Variants in ANKRD35 observed in about 807,000 individuals in gnomAD.
The protein encoded by ANKRD35 is ankyrin repeat domain 35.
Under a neutral mutation model 109.9 loss-of-function variants are expected in ANKRD35, and 102 were observed. That is an observed-to-expected ratio of 0.93 (90% CI 0.79 to 1.09). The LOEUF (loss-of-function observed/expected upper bound fraction) is 1.09. Ranked by LOEUF, ANKRD35 falls within the 50% of genes least tolerant of loss-of-function variation. The pLI, the probability that ANKRD35 is intolerant of heterozygous loss-of-function variation, is 0.00. For synonymous variants in ANKRD35, 515 were observed against 512.4 expected, an observed-to-expected ratio of 1.01 and a Z score of -0.07; for missense variants, 1,240 against 1,230.1, an observed-to-expected ratio of 1.01 and a Z score of -0.12.
chr1:145,876,017 C>A (rs1292170394), intron 7 of ANKRD35, 123 bp downstream of exon 7: 2 of 832,948 alleles, frequency 2.4e-6, no homozygotes, highest in African/African-American at 3.4e-5. Flanking sequence ...TTCCCAAGAA[C>A]ACAAAGACCA....
intron 10 of ANKRD35, among the ~76,000 whole-genome samples, chr1:145,868,736 C>G (rs1553738160): frequency 6.6e-6 from 1 of 152,152 alleles, no homozygotes; most frequent in Non-Finnish European, 1.5e-5. Flanking sequence ...TAAAAGTGGG[C>G]CTCTACTGTG....
At position 145,871,996 on chromosome 1, in the gene ANKRD35, C is replaced by T. The variant is rs782666886; in HGVS notation, c.2773G>A (p.Asp925Asn). The T allele has an allele frequency of 1.2e-5, 19 of 1,611,328 alleles. No individual in the cohort carries two copies. The highest frequency in any genetic ancestry group is 1.6e-5 in the Non-Finnish European group (19 of 1,179,974). ...KMEHLIGACRDKEAKIKELLK... is the reference protein window; with the variant it reads ...KMEHLIGACRNKEAKIKELLK... ...CAGCTGCTCACCTTGGCTTCCTTGT[C>T]TCGGCAAGCCCCAATGAGATGCTCC... Residue 925 changes from aspartate (D) to asparagine (N), a missense_variant, in exon 10 of 14, where the codon GAC becomes AAC. Coordinates refer to ENST00000355594, the MANE Select transcript of ANKRD35 (RefSeq NM_144698.5).
chr1:145,885,804 G>T lies in ANKRD35; in HGVS notation c.-46C>A. ...GGGATGGGGACGCGCAGAGAGCCGG[G>T]CCACAGGTTCCCGAACCCACCGGAC... On this transcript the variant is annotated 5_prime_UTR_variant, in exon 1 of 14. Coordinates refer to ENST00000355594, the MANE Select transcript of ANKRD35 (RefSeq NM_144698.5). 6.7e-7 allele frequency: 1 copy of T among 1,483,522 alleles called. No individual in the cohort carries two copies. The highest frequency in any genetic ancestry group is 1.4e-5 in the African/African-American group (1 of 72,404). The allele number at this position is 1,483,522 out of a possible 1,614,324, so 91.9% of individuals were successfully genotyped here.
chr1:145,868,292 C>G lies in ANKRD35; in HGVS notation c.2877+19G>C. 6.2e-7 allele frequency: 1 copy of G among 1,613,546 alleles called. No individual in the cohort carries two copies. The highest frequency in any genetic ancestry group is 8.5e-7 in the Non-Finnish European group (1 of 1,179,494). On this transcript the variant is annotated intron_variant, in intron 11 of 13. Transcript: ENST00000355594. ...GCTGACCTTCTTCTCCAGCACCATC[C>G]CTGACAGCCAAAACATACCTGCAGC...
intron 2 of ANKRD35, 134 bp from the exon 3 acceptor site, chr1:145,878,613 G>A (rs959470713): frequency 5.2e-6 from 4 of 773,258 alleles, no homozygotes; most frequent in African/African-American, 3.5e-5. Context: ...AGCTCCCCTA[G>A]CTTGAATTTC....
intron 11 of ANKRD35, 126 bp from the exon 12 acceptor site, chr1:145,868,182 C>G: frequency 4.1e-6 from 6 of 1,456,664 alleles, no homozygotes; most frequent in Non-Finnish European, 5.8e-6. Flanking sequence ...CATCCTGGAC[C>G]ACTGCCTAGC....
At position 145,872,614 on chromosome 1, in the gene ANKRD35, G is replaced by C. The variant is rs372205611; in HGVS notation, c.2155C>G (p.Gln719Glu). The stretch of plus-strand genomic sequence containing the variant: ...TCCAGGGACTCCGCTGCTTTGCTTT[G>C]TGCACTCCTCTCGCCCACTAGGTCT... ...PADLVGERSA[Q>E]SKAAESLEEL... The change falls in exon 10 of 14, where the codon CAA becomes GAA. Residue 719 changes from glutamine to glutamate, a missense_variant. Transcript: ENST00000355594. The C allele has an allele frequency of 5.0e-6, 8 of 1,613,780 alleles. No homozygotes were observed. Among genetic ancestry groups the C allele is most frequent in the Non-Finnish European group, 5.9e-6 (7 of 1,179,910 alleles).
intron 12 of ANKRD35, among the ~76,000 whole-genome samples, chr1:145,867,608 G>A (rs1653655743): frequency 6.6e-6 from 1 of 152,172 alleles, no homozygotes; most frequent in African/African-American, 2.4e-5. Flanking sequence ...CCATGAATAT[G>A]AAGCAAAGCA....
Position 145,877,971 on chromosome 1 carries a change from A to G in ANKRD35, c.321T>C (p.Leu107=). 1.2e-6 allele frequency: 2 copies of G among 1,613,944 alleles called. No individual in the cohort carries two copies. Among genetic ancestry groups the G allele is most frequent in the Non-Finnish European group, 1.7e-6 (2 of 1,179,896 alleles). ...SCQPQCVKVL[L]QHGANEDAVD... ...GGTATCAAGGGACTGCTCTTACCTG[A>G]AGCAGAACCTTAACACACTGTGGCT... Residue 107 remains leucine (L), a synonymous_variant, in exon 4 of 14, where the codon CTT becomes CTC. Coordinates refer to ENST00000355594, the MANE Select transcript of ANKRD35 (RefSeq NM_144698.5).
intron 10 of ANKRD35, among the ~76,000 whole-genome samples, chr1:145,870,708 T>A (rs1653778132): frequency 2.0e-5 from 3 of 151,494 alleles, no homozygotes; most frequent in Non-Finnish European, 4.4e-5. Flanking sequence ...ATACATTCTT[T>A]TATATATATA....
chr1:145,881,949 C>CTTTTTTTTTTTTTTTTTT (rs782253954), intron 1 of ANKRD35, among the ~76,000 whole-genome samples: 2 of 104,636 alleles, frequency 1.9e-5, no homozygotes, highest in Non-Finnish European at 3.8e-5. Context: ...CTTTCCCCTT[C>CTTTTTTTTTTTTTTTTTT]TTTTTTTTTT....
chr1:145,884,057 C>A (rs991368721), intron 1 of ANKRD35, among the ~76,000 whole-genome samples: 9 of 152,152 alleles, frequency 5.9e-5, no homozygotes, highest in Non-Finnish European at 1.0e-4. Context: ...CCCACTCATT[C>A]CAGCACCTTG....
intron 8 of ANKRD35, 113 bp downstream of exon 8, chr1:145,874,709 C>G (rs752211915): frequency 1.8e-5 from 23 of 1,295,574 alleles, no homozygotes; most frequent in Non-Finnish European, 2.1e-5. Flanking sequence ...TACGTAAACT[C>G]TCAACCCAGG....
chr1:145,871,560 G>A (rs1653820153), intron 10 of ANKRD35, among the ~76,000 whole-genome samples: 1 of 152,086 alleles, frequency 6.6e-6, no homozygotes. Flanking sequence ...GCTCTCGCTG[G>A]GTCTACTTTT....
chr1:145,872,481 G>T lies in ANKRD35; in HGVS notation c.2288C>A (p.Pro763Gln). 1 of 1,597,106 alleles carries T rather than the reference G, an allele frequency of 6.3e-7. No individual in the cohort carries two copies. Among genetic ancestry groups the T allele is most frequent in the Non-Finnish European group, 8.5e-7 (1 of 1,172,738 alleles). ...TAAGGAGGTGCCTGGCTCCCTACAC[G>T]GGGACAAGGACCCCCGCAACTGCTG... ...ENQQLRGSLSPCREPGTSLKA... is the reference protein window; with the variant it reads ...ENQQLRGSLSQCREPGTSLKA... Residue 763 changes from proline to glutamine, a missense_variant, in exon 10 of 14, where the codon CCG (proline) becomes CAG (glutamine). By Grantham distance (76) the Pro-to-Gln change is moderately conservative (BLOSUM62 -1). Coordinates refer to ENST00000355594, the MANE Select transcript of ANKRD35 (RefSeq NM_144698.5).
intron 1 of ANKRD35, among the ~76,000 whole-genome samples, chr1:145,884,589 A>G (rs1553741590): frequency 6.6e-6 from 1 of 152,130 alleles, no homozygotes; most frequent in East Asian, 1.9e-4. Flanking sequence ...AGATCTCTAG[A>G]GAAGAAGAAG....
chr1:145,880,544 A>T (rs1654248920), intron 1 of ANKRD35, among the ~76,000 whole-genome samples: 1 of 152,260 alleles, frequency 6.6e-6, no homozygotes. Context: ...AAATCTCTTT[A>T]TAAACTGTAA....
intron 11 of ANKRD35, 89 bp from the exon 12 acceptor site, chr1:145,868,145 G>C (rs587687803): frequency 1.3e-6 from 2 of 1,508,078 alleles, no homozygotes; most frequent in East Asian, 4.5e-5. Flanking sequence ...AGCAGTACCA[G>C]GTGGGCTCGT....
At chr1:145,874,220 G>C in intron 8 of ANKRD35, 28 bp from the exon 9 acceptor site, 1 of 1,612,340 alleles carries the variant, frequency 6.2e-7, no homozygotes, top group Non-Finnish European at 8.5e-7. Flanking sequence ...AGGAAAATGA[G>C]AGAGAAGACA....
Sources: gnomAD v4.1 joint callset for allele counts (sites outside exome capture counted in the v4.1 genomes callset) on GRCh38, gnomAD v4.1.1 for gene constraint, MANE v1.5 for transcripts, NCBI Gene and HGNC (gene_info 2026-07-23, HGNC 2026-07-21) for gene names.